The following CCT5 variants were observed in gnomAD, a reference collection of about 807,000 sequenced individuals.
The protein encoded by CCT5 is T-complex protein 1 subunit epsilon.
In CCT5, 6 loss-of-function variants were observed where a neutral mutation model predicts 55.0. The ratio of observed to expected loss-of-function variants is 0.11; its 90% CI spans 0.06 to 0.22. CCT5 has a LOEUF of 0.22. Among genes scored for constraint, CCT5 ranks in the 10% least tolerant of loss-of-function variants. The probability of loss-of-function intolerance (pLI) is 1.00; values close to 1 mark genes in which losing one functional copy is unlikely to be tolerated. For synonymous variants in CCT5, 231 were observed against 243.7 expected, an observed-to-expected ratio of 0.95 and a Z score of 0.49; for missense variants, 560 against 694.6, an observed-to-expected ratio of 0.81 and a Z score of 2.18.
intron 10 of CCT5, chr5:10,264,453 G>T (rs1746126761): frequency 1.8e-6 from 1 of 547,708 alleles, no homozygotes; most frequent in East Asian, 3.3e-5. Context: ...TCTTTACCAG[G>T]TGCGAGTTCC....
chr5:10,256,174 T>C lies in CCT5; in HGVS notation c.530+21T>C, dbSNP rs374397926. On this transcript the variant is annotated intron_variant, in intron 4 of 10. Coordinates refer to ENST00000280326, the MANE Select transcript of CCT5 (RefSeq NM_012073.5). Reference sequence around the variant, plus strand: ...AAAGTGTACGTTTCAGTAGATGATATGATTACCCATTTGTAGAGGAGGCAG... The same window carrying C: ...AAAGTGTACGTTTCAGTAGATGATACGATTACCCATTTGTAGAGGAGGCAG... 35 of 1,602,846 alleles carry C rather than the reference T, an allele frequency of 2.2e-5. No individual in the cohort carries two copies. In the African/African-American group the frequency reaches 2.9e-4, roughly 13 times the overall value.
intron 1 of CCT5, chr5:10,250,825 G>C: frequency 9.1e-7 from 1 of 1,098,410 alleles, no homozygotes; most frequent in Non-Finnish European, 1.1e-6. Flanking sequence ...TGTCGGTTAA[G>C]GCGCTGCTGC....
rs952559296 is a variant in CCT5 at position 10,265,752 on chromosome 5, G to A, written c.*969G>A. On this transcript the variant is annotated 3_prime_UTR_variant, in exon 11 of 11. Transcript: ENST00000280326. ...GTCAATCCCAGGCAGTCTGACCCCAGAGTGGCCCAGCTCATCCCCTACTCT... is the reference window on the plus strand; with the variant it reads ...GTCAATCCCAGGCAGTCTGACCCCAAAGTGGCCCAGCTCATCCCCTACTCT... The A allele has an allele frequency of 8.7e-6, 1 of 115,166 alleles. No homozygotes were observed. Among genetic ancestry groups the A allele is most frequent in the East Asian group, 2.9e-4 (1 of 3,394 alleles). 7.1% of individuals were successfully genotyped at this position (115,166 alleles called of 1,614,324 possible).
At chr5:10,262,459 C>G (rs1746011903) in intron 8 of CCT5, 22 bp from the exon 9 acceptor site, 3 of 1,612,840 alleles carry the variant, frequency 1.9e-6, no homozygotes, top group South Asian at 1.1e-5. Context: ...CACATTAATT[C>G]AGGCAAAGCT....
intron 1 of CCT5, among the ~76,000 whole-genome samples, chr5:10,252,577 T>A (rs922269518): frequency 3.7e-4 from 53 of 144,316 alleles, no homozygotes; most frequent in African/African-American, 1.3e-3. Flanking sequence ...ATCACGCCAC[T>A]GCACTCCAGC....
Position 10,250,725 on chromosome 5 carries a change from C to T in CCT5, c.105+280C>T, listed in dbSNP as rs915574669. ...AGTCCGGTCGCCCGCGGGAGCAAAG[C>T]GGGACCGCCTCCCCGCCCGGCTCCT... On this transcript the variant is annotated intron_variant, in intron 1 of 10. Coordinates refer to ENST00000280326, the MANE Select transcript of CCT5 (RefSeq NM_012073.5). 2.4e-5 allele frequency: 31 copies of T among 1,273,620 alleles called. No homozygotes were observed. In the South Asian group the frequency reaches 4.3e-4, roughly 18 times the overall value. 78.9% of individuals were successfully genotyped at this position (1,273,620 alleles called of 1,614,324 possible). A position where few individuals can be genotyped will look rare whatever the true frequency, so the allele number is the denominator to read the frequency against.
chr5:10,250,546 C>G, intron 1 of CCT5, 101 bp downstream of exon 1: 6 of 1,544,092 alleles, frequency 3.9e-6, no homozygotes, highest in Non-Finnish European at 4.4e-6. Flanking sequence ...CATGTGCTCC[C>G]CGGAAAGGTC....
intron 3 of CCT5, chr5:10,255,164 T>A (rs547590881): frequency 2.7e-6 from 1 of 372,120 alleles, no homozygotes; most frequent in Non-Finnish European, 5.2e-6. Context: ...CTGAGTTTCC[T>A]GAGTGATCTG....
chr5:10,261,264 TG>T, intron 7 of CCT5: 1 of 499,788 alleles, frequency 2.0e-6, no homozygotes. Flanking sequence ...ACATGCAGGC[TG>T]GGTTCCCAGA....
chr5:10,253,632 C>T (rs1252231090), intron 1 of CCT5, among the ~76,000 whole-genome samples: 1 of 152,140 alleles, frequency 6.6e-6, no homozygotes, highest in Non-Finnish European at 1.5e-5. Context: ...CTCATGAGTA[C>T]AGGCCCCTCC....
intron 3 of CCT5, 59 bp downstream of exon 3, chr5:10,254,897 T>A (rs1270738931): frequency 7.1e-7 from 1 of 1,416,630 alleles, no homozygotes; most frequent in Admixed American, 1.7e-5. Context: ...ACCACAGGGC[T>A]AACATGCCTG....
At chr5:10,261,420 G>A in intron 7 of CCT5, 140 bp from the exon 8 acceptor site, 1 of 781,338 alleles carries the variant, frequency 1.3e-6, no homozygotes, top group Non-Finnish European at 2.2e-6. Flanking sequence ...GGGTTGAACT[G>A]GAGATGTCTC....
chr5:10,256,783 G>GA (rs1471570987), intron 4 of CCT5, among the ~76,000 whole-genome samples: 1 of 149,884 alleles, frequency 6.7e-6, no homozygotes, highest in African/African-American at 2.5e-5. Flanking sequence ...GGGAGCCATT[G>GA]GGGGTGGGTT....
intron 3 of CCT5, among the ~76,000 whole-genome samples, chr5:10,255,604 G>A (rs201791681): frequency 5.4e-4 from 7 of 12,962 alleles, no homozygotes; most frequent in Admixed American, 2.7e-3. Context: ...TAATAAACAC[G>A]TTTTAGTCTC....
intron 2 of CCT5, 193 bp from the exon 3 acceptor site, chr5:10,254,481 A>T: frequency 1.6e-6 from 1 of 636,190 alleles, no homozygotes; most frequent in Non-Finnish European, 2.8e-6. Flanking sequence ...ATACTTAATG[A>T]TGCTCCATAA....
intron 4 of CCT5, among the ~76,000 whole-genome samples, chr5:10,256,769 G>T (rs1745703238): frequency 6.6e-6 from 1 of 151,450 alleles, no homozygotes; most frequent in African/African-American, 2.4e-5. Context: ...TAATTTCTTT[G>T]CTGGGGAGCC....
intron 10 of CCT5, among the ~76,000 whole-genome samples, chr5:10,264,253 T>C (rs2662534): frequency 0.74 from 111,968 of 151,736 alleles, 43,517 homozygotes; most frequent in East Asian, 0.87. Flanking sequence ...CCAGCCTGGG[T>C]GACACCTGTC....
chr5:10,256,673 C>T (rs561698892), intron 4 of CCT5, among the ~76,000 whole-genome samples: 3 of 119,660 alleles, frequency 2.5e-5, no homozygotes, highest in South Asian at 2.7e-4. Context: ...AGCAACAGAG[C>T]GAGACCCTGT....
chr5:10,258,032 G>A, intron 4 of CCT5, 79 bp from the exon 5 acceptor site: 2 of 1,385,922 alleles, frequency 1.4e-6, no homozygotes, highest in Non-Finnish European at 2.0e-6. Flanking sequence ...ATATCTTTGA[G>A]TAACATTGTG....
Sources: allele counts gnomAD v4.1 joint callset (sites outside exome capture counted in the v4.1 genomes callset), GRCh38; gene constraint gnomAD v4.1.1; transcripts MANE v1.5; gene names NCBI Gene and HGNC (gene_info 2026-07-23, HGNC 2026-07-21).